The following ARAP1 variants were observed in gnomAD, a reference collection of about 807,000 sequenced individuals.
ARAP1 encodes the protein ArfGAP with RhoGAP domain, ankyrin repeat and PH domain 1.
A neutral mutation model predicts 172.2 loss-of-function variants in ARAP1; 76 were observed. The ratio of observed to expected loss-of-function variants is 0.44; its 90% confidence interval spans 0.37 to 0.53. The LOEUF (loss-of-function observed/expected upper bound fraction) is 0.53, where lower values mean the gene tolerates loss of function less well. ARAP1 is among the 20% of genes least tolerant of loss of function. The probability of loss-of-function intolerance (pLI) is 0.00; values close to 1 mark genes in which losing one functional copy is unlikely to be tolerated. For missense variants in ARAP1, 1,686 were observed against 1,977.5 expected, an observed-to-expected ratio of 0.85 and a Z score of 2.80; for synonymous variants, 804 against 803.3, an observed-to-expected ratio of 1.00 and a Z score of -0.01.
chr11:72,734,786 T>A (rs1857964419), intron 1 of ARAP1, among the ~76,000 whole-genome samples: 1 of 149,054 alleles, frequency 6.7e-6, no homozygotes, highest in South Asian at 2.1e-4. Flanking sequence ...TGAAATGTGG[T>A]CCCTGGAATA....
chr11:72,707,164 C>T lies in ARAP1; in HGVS notation c.1723+11G>A. 2 of 1,567,530 alleles carry T rather than the reference C, an allele frequency of 1.3e-6. No individual in the cohort carries two copies. Among genetic ancestry groups the T allele is most frequent in the East Asian group, 4.7e-5 (2 of 42,424 alleles). On this transcript the variant is annotated intron_variant, in intron 12 of 34. Coordinates refer to ENST00000393609, the MANE Select transcript of ARAP1 (RefSeq NM_001040118.3). Reference sequence around the variant, plus strand: ...TGCCTCTGCCTGGTGCCCCGACCCCCATGCACACACCTGCACAGCGCTTGC... The same window carrying T: ...TGCCTCTGCCTGGTGCCCCGACCCCTATGCACACACCTGCACAGCGCTTGC...
At chr11:72,745,416 G>C (rs1394984510) in intron 1 of ARAP1, among the ~76,000 whole-genome samples, 1 of 146,702 alleles carries the variant, frequency 6.8e-6, no homozygotes, top group Admixed American at 6.9e-5. Flanking sequence ...GTGTTAGCCA[G>C]GATGGTCTTG....
Position 72,710,926 on chromosome 11 carries a change from C to A in ARAP1, c.1213+95G>T. The stretch of plus-strand genomic sequence containing the variant: ...CCTCCCCGGATGTGATGTGAGAGGG[C>A]AGATGCACCATGACTCTCTTCCCCC... On this transcript the variant is annotated intron_variant, in intron 9 of 34. Transcript: ENST00000393609. The surrounding 1 kb of genome is among the most constrained non-coding windows in gnomAD (Gnocchi z 4.3). 6.3e-7 allele frequency: 1 copy of A among 1,579,094 alleles called. No individual in the cohort carries two copies. The highest frequency in any genetic ancestry group is 8.6e-7 in the Non-Finnish European group (1 of 1,159,030).
intron 14 of ARAP1, chr11:72,703,416 G>GGGGGCT: frequency 9.1e-6 from 1 of 110,394 alleles, no homozygotes; most frequent in Non-Finnish European, 2.0e-5. Flanking sequence ...GCCGGGGGGG[G>GGGGGCT]GGTGTGCTTT....
chr11:72,744,761 G>A (rs1315594817), intron 1 of ARAP1, among the ~76,000 whole-genome samples: 1 of 152,172 alleles, frequency 6.6e-6, no homozygotes, highest in Non-Finnish European at 1.5e-5. Context: ...CTCCAAGTGG[G>A]CTAAGCCAGT....
Position 72,698,116 on chromosome 11 carries a change from A to G in ARAP1, c.2542-10T>C. ...GGGGAGGCACGAATGCCTGGCAGAG[A>G]GGCGCCGGGGGAGACAGCATCAGCC... On this transcript the variant is annotated splice_polypyrimidine_tract_variant and intron_variant, in intron 18 of 34. Transcript: ENST00000393609. The G allele has an allele frequency of 6.3e-7, 1 of 1,579,974 alleles. No homozygotes were observed. The highest frequency in any genetic ancestry group is 8.6e-7 in the Non-Finnish European group (1 of 1,163,440).
Position 72,699,438 on chromosome 11 carries a change from A to G in ARAP1, c.2417T>C (p.Val806Ala). 1 of 1,614,126 alleles carries G rather than the reference A, an allele frequency of 6.2e-7. No individual in the cohort carries two copies. Among genetic ancestry groups the G allele is most frequent in the Non-Finnish European group, 8.5e-7 (1 of 1,180,022 alleles). Residue 806 changes from valine (V) to alanine (A), a missense_variant, in exon 17 of 35, where the codon GTG becomes GCG. By Grantham distance (64) the Val-to-Ala change is moderately conservative. This residue lies in a region of ARAP1 where 688 missense variants were observed against 856.9 expected (regional missense o/e 0.80). Coordinates refer to ENST00000393609, the MANE Select transcript of ARAP1 (RefSeq NM_001040118.3). The surrounding 1 kb of genome is among the most constrained non-coding windows in gnomAD (Gnocchi z 4.2). ...TCACCCATGGGTGTCAGGAGGGGGC[A>G]CTGCCAGGCACACAATCTCGCTGGC... is the stretch of plus-strand genomic sequence containing the variant. The part of the protein sequence containing the change: ...IRASEIVCLA[V>A]PPPDTHGFEH...
At chr11:72,707,476 C>T (rs1856822534) in intron 11 of ARAP1, 102 bp from the exon 12 acceptor site, 5 of 1,139,838 alleles carry the variant, frequency 4.4e-6, no homozygotes, top group Admixed American at 2.5e-5. Flanking sequence ...GTGTTGGGAG[C>T]GCTTAGGCAA....
At position 72,704,283 on chromosome 11, in the gene ARAP1, C is replaced by A; in HGVS notation, c.1861G>T (p.Val621Leu). The A allele has an allele frequency of 6.2e-7, 1 of 1,611,650 alleles. No individual in the cohort carries two copies. The highest frequency in any genetic ancestry group is 8.5e-7 in the Non-Finnish European group (1 of 1,178,904). Residue 621 changes from valine to leucine, a missense_variant, in exon 14 of 35, where the codon GTG (valine) becomes TTG (leucine). Transcript: ENST00000393609. ...GAGNRFWAAN[V>L]PPSEALQPSS... Reference sequence around the variant, plus strand: ...GGCTGCAGGGCCTCACTGGGGGGCACGTTGGCTGCCCAGAAGCGGTTCCCA... The same window carrying A: ...GGCTGCAGGGCCTCACTGGGGGGCAAGTTGGCTGCCCAGAAGCGGTTCCCA...
Position 72,699,381 on chromosome 11 carries a change from T to G in ARAP1, c.2438+36A>C, listed in dbSNP as rs758880183. 6.2e-7 allele frequency: 1 copy of G among 1,613,448 alleles called. No homozygotes were observed. Among genetic ancestry groups the G allele is most frequent in the Admixed American group, 1.7e-5 (1 of 59,996 alleles). On this transcript the variant is annotated intron_variant, in intron 17 of 34. Coordinates refer to ENST00000393609, the MANE Select transcript of ARAP1 (RefSeq NM_001040118.3). The surrounding 1 kb of genome is among the most constrained non-coding windows in gnomAD (Gnocchi z 4.2). ...CTCCCCAGTGGGGGATTGTACCTTA[T>G]AGCAACCACAGTCTGATTTGCCCAG... is the stretch of plus-strand genomic sequence containing the variant.
At position 72,697,155 on chromosome 11, in the gene ARAP1, T is replaced by C. The variant is rs762748748; in HGVS notation, c.2994A>G (p.Thr998=). 2 of 1,604,436 alleles carry C rather than the reference T, an allele frequency of 1.2e-6. No homozygotes were observed. The highest frequency in any genetic ancestry group is 1.7e-5 in the Admixed American group (1 of 60,014). ...TCTCCAGCAGCCGCTGTGTCTTCGATGTCTGCCCACACTTGCGGTAGATGC... is the reference window on the plus strand; with the variant it reads ...TCTCCAGCAGCCGCTGTGTCTTCGACGTCTGCCCACACTTGCGGTAGATGC... ...SEGIYRKCGQ[T]SKTQRLLESL... The change falls in exon 22 of 35, where the codon ACA becomes ACG. Residue 998 remains threonine (T), a synonymous_variant. Coordinates refer to ENST00000393609, the MANE Select transcript of ARAP1 (RefSeq NM_001040118.3).
rs144169469 is a variant in ARAP1 at position 72,712,328 on chromosome 11, T to A, written c.890A>T (p.His297Leu). Residue 297 changes from histidine to leucine, a missense_variant, in exon 7 of 35, where the codon CAT becomes CTT. Transcript: ENST00000393609. The stretch of plus-strand genomic sequence containing the variant: ...CAAGGACAAGCTCAGGCTGCTGGTA[T>A]GCCATCCGCCACTAGCGAGAGATGA... ...AYEGVPNGGW[H>L]TSSLSLSLPS... The A allele has an allele frequency of 1.3e-6, 2 of 1,552,216 alleles. No homozygotes were observed. The highest frequency in any genetic ancestry group is 1.7e-6 in the Non-Finnish European group (2 of 1,144,388).
chr11:72,713,846 C>CAA (rs71469440), intron 4 of ARAP1, among the ~76,000 whole-genome samples: 2 of 81,454 alleles, frequency 2.5e-5, no homozygotes, highest in South Asian at 3.9e-4. Context: ...GACTCCATCT[C>CAA]AAAAAAAAAA....
chr11:72,719,705 A>G (rs1006346778), intron 3 of ARAP1, among the ~76,000 whole-genome samples: 2 of 152,162 alleles, frequency 1.3e-5, no homozygotes, highest in African/African-American at 4.8e-5. Flanking sequence ...CGAAAGAACC[A>G]GGTGTCACTG....
Position 72,693,516 on chromosome 11 carries a change from C to T in ARAP1, c.3809-46G>A, listed in dbSNP as rs1443715111. The stretch of plus-strand genomic sequence containing the variant: ...GGGCACAGGCTGCACCAACCCCTAC[C>T]CGGGGCTGGGTCCCAGGATGAAGGA... On this transcript the variant is annotated intron_variant, in intron 28 of 34. Coordinates refer to ENST00000393609, the MANE Select transcript of ARAP1 (RefSeq NM_001040118.3). The surrounding 1 kb of genome is among the most constrained non-coding windows in gnomAD (Gnocchi z 4.6). The T allele has an allele frequency of 1.3e-6, 2 of 1,587,740 alleles. No individual in the cohort carries two copies. The highest frequency in any genetic ancestry group is 2.2e-5 in the East Asian group (1 of 44,456).
chr11:72,698,829 C>T (rs529188635), intron 18 of ARAP1, among the ~76,000 whole-genome samples, 176 bp downstream of exon 18: 11 of 152,188 alleles, frequency 7.2e-5, no homozygotes, highest in Non-Finnish European at 1.2e-4. Flanking sequence ...TGACCAACTC[C>T]GCAGAGGGCT....
intron 30 of ARAP1, among the ~76,000 whole-genome samples, chr11:72,690,532 G>A (rs1855893883): frequency 1.3e-5 from 2 of 152,152 alleles, no homozygotes; most frequent in South Asian, 4.1e-4. Context: ...GGGACTACAA[G>A]CATGCACCAT....
chr11:72,690,533 C>T (rs1422307110), intron 30 of ARAP1, among the ~76,000 whole-genome samples: 5 of 152,180 alleles, frequency 3.3e-5, no homozygotes, highest in African/African-American at 1.2e-4. Context: ...GGACTACAAG[C>T]ATGCACCATC....
At chr11:72,689,757 T>C (rs191014977) in intron 30 of ARAP1, among the ~76,000 whole-genome samples, 4 of 152,196 alleles carry the variant, frequency 2.6e-5, no homozygotes, top group Admixed American at 2.6e-4. Context: ...CCTAACCTGA[T>C]GATGGCCATG....
Sources: gnomAD v4.1 joint callset for allele counts (sites outside exome capture counted in the v4.1 genomes callset) on GRCh38, gnomAD v4.1.1 for gene constraint, gnomAD v4.1.1 regional missense constraint, Gnocchi (gnomAD v3.1) non-coding constraint, MANE v1.5 for transcripts, NCBI Gene and HGNC (gene_info 2026-07-23, HGNC 2026-07-21) for gene names.